The following RAD54L2 variants were observed in gnomAD, a reference collection of about 807,000 sequenced individuals.
The protein encoded by RAD54L2 is helicase ARIP4.
In RAD54L2, 27 loss-of-function variants were observed where a neutral mutation model predicts 138.4. The ratio of observed to expected loss-of-function variants is 0.20; its 90% CI spans 0.14 to 0.27. The LOEUF is 0.27. Among genes scored for constraint, RAD54L2 ranks in the 10% least tolerant of loss-of-function variants. The pLI, the probability that RAD54L2 is intolerant of heterozygous loss-of-function variation, is 1.00. For missense variants in RAD54L2, 1,396 were observed against 1,890.2 expected, an observed-to-expected ratio of 0.74 and a Z score of 4.85; for synonymous variants, 644 against 723.2, an observed-to-expected ratio of 0.89 and a Z score of 1.76.
chr3:51,647,658 A>G (rs575603748), intron 19 of RAD54L2, among the ~76,000 whole-genome samples: 1 of 152,180 alleles, frequency 6.6e-6, no homozygotes, highest in Non-Finnish European at 1.5e-5. Flanking sequence ...AACAAGAGCA[A>G]AACTCCGTCT....
intron 2 of RAD54L2, among the ~76,000 whole-genome samples, chr3:51,560,815 T>C (rs1378112535): frequency 7.9e-5 from 12 of 152,210 alleles, no homozygotes; most frequent in Admixed American, 2.6e-4. Context: ...GGTATCTTTA[T>C]TGTAGAATTT....
chr3:51,644,978 T>C, intron 16 of RAD54L2, 46 bp from the exon 17 acceptor site: 6 of 1,604,274 alleles, frequency 3.7e-6, no homozygotes, highest in Admixed American at 1.7e-5. Flanking sequence ...TTTGAAAACC[T>C]TTTTTAAGAC....
At chr3:51,577,571 G>C (rs1699507063) in intron 2 of RAD54L2, among the ~76,000 whole-genome samples, 1 of 152,170 alleles carries the variant, frequency 6.6e-6, no homozygotes, top group African/African-American at 2.4e-5. Context: ...AGCTCTTCTT[G>C]TCGAATTGAT....
Position 51,645,270 on chromosome 3 carries a change from G to A in RAD54L2, c.2656+41G>A. On this transcript the variant is annotated intron_variant, in intron 17 of 22. Coordinates refer to ENST00000684192, the MANE Select transcript of RAD54L2 (RefSeq NM_015106.4). This position sits in a 1 kb window ranked among gnomAD's most constrained non-coding sequence, Gnocchi z 6.1. ...GACTTCGGAGAGGCACATCTATACAGGCTACCATCCTTTTAGTATCAAGGG... is the reference window on the plus strand; with the variant it reads ...GACTTCGGAGAGGCACATCTATACAAGCTACCATCCTTTTAGTATCAAGGG... 2 of 1,533,864 alleles carry A rather than the reference G, an allele frequency of 1.3e-6. No individual in the cohort carries two copies. The highest frequency in any genetic ancestry group is 2.3e-5 in the South Asian group (2 of 85,906).
chr3:51,560,224 TCACAATAG>T (rs2106637945), intron 2 of RAD54L2, among the ~76,000 whole-genome samples: 1 of 152,180 alleles, frequency 6.6e-6, no homozygotes, highest in East Asian at 1.9e-4. Context: ...GAGGAGGAGG[TCACAATAG>T]CACTCTAGGC....
chr3:51,631,815 G>A (rs1427194414), intron 7 of RAD54L2, among the ~76,000 whole-genome samples: 1 of 151,832 alleles, frequency 6.6e-6, no homozygotes, highest in African/African-American at 2.4e-5. Context: ...TAATTTTTTT[G>A]TAGAGACGAG....
At chr3:51,603,466 A>C (rs953527950) in intron 3 of RAD54L2, among the ~76,000 whole-genome samples, 1 of 152,014 alleles carries the variant, frequency 6.6e-6, no homozygotes, top group Non-Finnish European at 1.5e-5. Flanking sequence ...GATTAGCTGA[A>C]CATGGTGGTA....
At chr3:51,628,685 C>T (rs1268920216) in intron 4 of RAD54L2, among the ~76,000 whole-genome samples, 4 of 149,438 alleles carry the variant, frequency 2.7e-5, no homozygotes, top group South Asian at 2.1e-4. Context: ...CCACTGTGCC[C>T]GGCCAATCCT....
At chr3:51,630,007 T>G (rs1231567833) in intron 5 of RAD54L2, among the ~76,000 whole-genome samples, 1 of 152,228 alleles carries the variant, frequency 6.6e-6, no homozygotes, top group Admixed American at 6.5e-5. Flanking sequence ...AGGTTTTATC[T>G]AGATTTTTCC....
intron 3 of RAD54L2, among the ~76,000 whole-genome samples, chr3:51,613,456 A>G (rs998910370): frequency 1.3e-5 from 2 of 152,100 alleles, no homozygotes; most frequent in African/African-American, 2.4e-5. Context: ...CAATACAGGG[A>G]TAGAATTTAA....
intron 3 of RAD54L2, among the ~76,000 whole-genome samples, chr3:51,603,716 G>C (rs1049512531): frequency 1.3e-5 from 2 of 152,048 alleles, no homozygotes; most frequent in Non-Finnish European, 2.9e-5. Context: ...GTAGAGGTGG[G>C]GTCTTGCTCT....
intron 2 of RAD54L2, among the ~76,000 whole-genome samples, chr3:51,543,720 T>C (rs1698616596): frequency 1.3e-5 from 2 of 152,102 alleles, no homozygotes; most frequent in Non-Finnish European, 2.9e-5. Flanking sequence ...TGGCCCCTTC[T>C]TTATCTTCCT....
At chr3:51,604,932 T>C (rs1700147305) in intron 3 of RAD54L2, among the ~76,000 whole-genome samples, 2 of 151,828 alleles carry the variant, frequency 1.3e-5, no homozygotes, top group African/African-American at 2.4e-5. Flanking sequence ...TCTTTTTTTC[T>C]TTTTTTTGAG....
intron 3 of RAD54L2, among the ~76,000 whole-genome samples, chr3:51,611,970 G>A (rs1029368340): frequency 1.2e-4 from 19 of 152,162 alleles, no homozygotes; most frequent in Non-Finnish European, 2.4e-4. Flanking sequence ...TTAATGTGTG[G>A]TGATGGCTAC....
chr3:51,629,529 G>T, intron 5 of RAD54L2, 56 bp downstream of exon 5: 1 of 1,586,578 alleles, frequency 6.3e-7, no homozygotes, highest in South Asian at 1.1e-5. Flanking sequence ...GAAGCCCTAG[G>T]TGCACACAGT....
chr3:51,576,928 T>A (rs1699493311), intron 2 of RAD54L2, among the ~76,000 whole-genome samples: 1 of 152,208 alleles, frequency 6.6e-6, no homozygotes, highest in South Asian at 2.1e-4. Context: ...TTCTTTTAAT[T>A]GTGATGTTAG....
At chr3:51,653,596 C>T (rs1701510910) in intron 19 of RAD54L2, among the ~76,000 whole-genome samples, 1 of 152,116 alleles carries the variant, frequency 6.6e-6, no homozygotes, top group African/African-American at 2.4e-5. Flanking sequence ...GAATACTATG[C>T]AGCCATAAAA....
At chr3:51,540,792 C>T (rs554390200) in intron 1 of RAD54L2, among the ~76,000 whole-genome samples, 1 of 152,246 alleles carries the variant, frequency 6.6e-6, no homozygotes, top group African/African-American at 2.4e-5. Context: ...TGGCTAACGC[C>T]TGTAATCCCA....
intron 15 of RAD54L2, among the ~76,000 whole-genome samples, chr3:51,643,343 T>C (rs1292792262): frequency 3.3e-5 from 5 of 152,256 alleles, no homozygotes; most frequent in African/African-American, 1.2e-4. Flanking sequence ...CTAAAGCCTA[T>C]TTTTTCTCCC....
Sources: allele counts gnomAD v4.1 joint callset (sites outside exome capture counted in the v4.1 genomes callset), GRCh38; gene constraint gnomAD v4.1.1; non-coding constraint Gnocchi (gnomAD v3.1); transcripts MANE v1.5; gene names NCBI Gene and HGNC (gene_info 2026-07-23, HGNC 2026-07-21).